The following KCNMA1 variants were observed in gnomAD, a reference collection of about 807,000 sequenced individuals.
The protein encoded by KCNMA1 is Calcium-activated potassium channel subunit alpha-1.
In KCNMA1, 29 loss-of-function variants were observed where a neutral mutation model predicts 140.0. The ratio of observed to expected loss-of-function variants is 0.21; its 90% CI spans 0.15 to 0.28. The LOEUF is 0.28. Ranked by LOEUF, KCNMA1 falls within the 10% of genes least tolerant of loss-of-function variation. KCNMA1 has a pLI of 1.00. For missense variants in KCNMA1, 880 were observed against 1,602.2 expected (o/e 0.55, Z 7.70); for synonymous variants, 612 against 611.9 (o/e 1.00, Z 0.00).
At chr10:76,877,525 G>C (rs1453065563), downstream of KCNMA1, 1 of 397,244 alleles carries the variant, frequency 2.5e-6, no homozygotes, top group African/African-American at 2.0e-5. Context: ...GACTATTTTA[G>C]TATGTTCATT....
intron 2 of KCNMA1, among the ~76,000 whole-genome samples, chr10:77,339,061 A>G (rs2154373743): frequency 6.6e-6 from 1 of 152,196 alleles, no homozygotes; most frequent in South Asian, 2.1e-4. Flanking sequence ...ATAAACACAG[A>G]TACATACAGA....
chr10:77,117,561 A>AAAAAAAAAAAAAAAAAAAAAG (rs1554837398), intron 6 of KCNMA1, among the ~76,000 whole-genome samples: 3 of 147,558 alleles, frequency 2.0e-5, no homozygotes, highest in African/African-American at 7.8e-5. Context: ...AAAAAAAAAA[A>AAAAAAAAAAAAAAAAAAAAAG]AAAAGAAAAG....
chr10:77,454,238 C>T (rs2097717576), intron 1 of KCNMA1, among the ~76,000 whole-genome samples: 1 of 152,164 alleles, frequency 6.6e-6, no homozygotes, highest in African/African-American at 2.4e-5. Context: ...ACTTCTGCAA[C>T]CACATCTACA....
chr10:76,908,379 G>T (rs1210170771), intron 25 of KCNMA1, among the ~76,000 whole-genome samples: 1 of 152,198 alleles, frequency 6.6e-6, no homozygotes, highest in African/African-American at 2.4e-5. Context: ...CTCCTTGTTG[G>T]CTTGGAAAGC....
intron 2 of KCNMA1, among the ~76,000 whole-genome samples, chr10:77,275,086 C>A (rs1335562426): frequency 2.0e-5 from 3 of 152,148 alleles, no homozygotes; most frequent in Non-Finnish European, 2.9e-5. Context: ...AGGGGCTTTT[C>A]TTTTCAGAGT....
intron 20 of KCNMA1, among the ~76,000 whole-genome samples, chr10:76,965,194 G>T (rs543183883): frequency 6.6e-6 from 1 of 152,188 alleles, no homozygotes; most frequent in Non-Finnish European, 1.5e-5. Context: ...ATTGGGCCAC[G>T]GGTGCTTGAT....
At chr10:76,910,606 T>G (rs1431412542) in intron 24 of KCNMA1, 6 of 235,834 alleles carry the variant, frequency 2.5e-5, no homozygotes, top group Non-Finnish European at 4.2e-5. Context: ...GCCTACCCAC[T>G]GGGATTGGCC....
chr10:77,526,598 C>T (rs1295190848), intron 1 of KCNMA1, among the ~76,000 whole-genome samples: 1 of 152,214 alleles, frequency 6.6e-6, no homozygotes, highest in African/African-American at 2.4e-5. Flanking sequence ...CACTGACTTG[C>T]CCTTCTCCAT....
At chr10:77,455,395 T>A (rs374829183) in intron 1 of KCNMA1, among the ~76,000 whole-genome samples, 11 of 152,310 alleles carry the variant, frequency 7.2e-5, no homozygotes, top group African/African-American at 2.6e-4. Flanking sequence ...GTCACGATGA[T>A]GAGTGGGACT....
intron 3 of KCNMA1, among the ~76,000 whole-genome samples, chr10:77,232,984 T>C (rs904388112): frequency 4.0e-5 from 6 of 151,264 alleles, no homozygotes; most frequent in African/African-American, 1.5e-4. Flanking sequence ...CCTCTCAGGC[T>C]CAAGTGATCC....
At chr10:77,569,570 T>C (rs1244575506) in intron 1 of KCNMA1, among the ~76,000 whole-genome samples, 1 of 151,650 alleles carries the variant, frequency 6.6e-6, no homozygotes, top group Non-Finnish European at 1.5e-5. Context: ...CCTTACACCT[T>C]ATACAAAAAT....
chr10:77,576,940 A>G (rs1001809524), intron 1 of KCNMA1, among the ~76,000 whole-genome samples: 3 of 152,238 alleles, frequency 2.0e-5, no homozygotes, highest in Non-Finnish European at 2.9e-5. Context: ...GTATTATTTC[A>G]TTCAATTCTC....
At chr10:77,621,152 C>T (rs941730783) in intron 1 of KCNMA1, among the ~76,000 whole-genome samples, 1 of 152,134 alleles carries the variant, frequency 6.6e-6, no homozygotes, top group African/African-American at 2.4e-5. Flanking sequence ...TTCCAGGCCA[C>T]GGAGGTGGAG....
At chr10:77,325,200 C>T (rs2083723152) in intron 2 of KCNMA1, among the ~76,000 whole-genome samples, 1 of 152,134 alleles carries the variant, frequency 6.6e-6, no homozygotes, top group Non-Finnish European at 1.5e-5. Context: ...CAGATTCACC[C>T]TTTTGCTAAA....
intron 9 of KCNMA1, among the ~76,000 whole-genome samples, chr10:77,098,330 T>C (rs1425993931): frequency 6.6e-6 from 1 of 152,164 alleles, no homozygotes; most frequent in Non-Finnish European, 1.5e-5. Flanking sequence ...CTCCCAATTA[T>C]ATACAGTCTT....
At chr10:77,524,320 C>G (rs1332459680) in intron 1 of KCNMA1, among the ~76,000 whole-genome samples, 1 of 152,094 alleles carries the variant, frequency 6.6e-6, no homozygotes, top group Non-Finnish European at 1.5e-5. Context: ...ACGTGGAATG[C>G]CTAAGTAATA....
chr10:76,933,106 C>G (rs111361474), intron 23 of KCNMA1, among the ~76,000 whole-genome samples: 4 of 152,214 alleles, frequency 2.6e-5, no homozygotes, highest in African/African-American at 9.6e-5. Flanking sequence ...TCTTTGATCT[C>G]TGTAACCCTT....
At chr10:77,182,780 C>T (rs1247338994) in intron 5 of KCNMA1, among the ~76,000 whole-genome samples, 1 of 152,180 alleles carries the variant, frequency 6.6e-6, no homozygotes, top group Non-Finnish European at 1.5e-5. Flanking sequence ...AGCTGTCTCT[C>T]TAAGCCCTGG....
chr10:77,030,922 G>A (rs1258978420), intron 15 of KCNMA1, among the ~76,000 whole-genome samples: 1 of 152,200 alleles, frequency 6.6e-6, no homozygotes, highest in Non-Finnish European at 1.5e-5. Flanking sequence ...CCAAAGGAAA[G>A]GAGAGGGATA....
Sources: allele counts gnomAD v4.1 joint callset (sites outside exome capture counted in the v4.1 genomes callset), GRCh38; gene constraint gnomAD v4.1.1; transcripts MANE v1.5; gene names NCBI Gene and HGNC (gene_info 2026-07-23, HGNC 2026-07-21).